SCMH1: variants seen among roughly 807,000 people sequenced by gnomAD.
SCMH1 encodes polycomb protein SCMH1.
SCMH1 carries 37 observed loss-of-function variants against 70.8 expected under a neutral mutation model. The observed-to-expected ratio is 0.52, with a 90% CI of 0.40 to 0.69. The LOEUF (loss-of-function observed/expected upper bound fraction) is 0.69. SCMH1 is among the 30% of genes least tolerant of loss of function. The pLI is 0.00. For missense variants in SCMH1, 607 were observed against 827.3 expected, an observed-to-expected ratio of 0.73 and a Z score of 3.27; for synonymous variants, 292 against 307.4, an observed-to-expected ratio of 0.95 and a Z score of 0.52.
At chr1:41,203,462 C>T (rs1654815940) in intron 1 of SCMH1, among the ~76,000 whole-genome samples, 1 of 152,184 alleles carries the variant, frequency 6.6e-6, no homozygotes. Flanking sequence ...CTATTAAGTA[C>T]TTATTATGTG....
chr1:41,112,432 C>T (rs576154142), intron 8 of SCMH1, among the ~76,000 whole-genome samples: 33 of 152,196 alleles, frequency 2.2e-4, no homozygotes, highest in African/African-American at 7.9e-4. Context: ...ACCTCAAAAT[C>T]TATTCTGGAC....
Position 41,121,801 on chromosome 1 carries a change from T to C in SCMH1, c.413-4791A>G, listed in dbSNP as rs1485375230. On this transcript the variant is annotated intron_variant, in intron 6 of 14. Coordinates refer to ENST00000337495, the Ensembl canonical transcript of SCMH1. ...TCTACTATTCCCTCCAAACTTGTTCTTTCCTCCAGTTATCCCATCTCAGTT... is the reference window on the plus strand; with the variant it reads ...TCTACTATTCCCTCCAAACTTGTTCCTTCCTCCAGTTATCCCATCTCAGTT... Among the ~76,000 whole-genome samples, 3 of 152,186 alleles carry C rather than the reference T, an allele frequency of 2.0e-5. No homozygotes were observed. The East Asian group carries it at 5.8e-4, about 29-fold the overall frequency.
chr1:41,218,978 T>G (rs1468310256), intron 1 of SCMH1, among the ~76,000 whole-genome samples: 1 of 152,208 alleles, frequency 6.6e-6, no homozygotes, highest in Admixed American at 6.5e-5. Context: ...TGGTTCAATA[T>G]GTGGGCTAGT....
chr1:41,186,070 C>T (rs1650124857), intron 2 of SCMH1, 51 bp downstream of exon 2: 4 of 1,542,336 alleles, frequency 2.6e-6, no homozygotes, highest in African/African-American at 2.7e-5. Context: ...CCAGTCCTTG[C>T]TAGGTCTCTT....
chr1:41,030,389 ACT>A (rs1486270057), intron 13 of SCMH1, among the ~76,000 whole-genome samples: 1 of 151,924 alleles, frequency 6.6e-6, no homozygotes, highest in Non-Finnish European at 1.5e-5. Context: ...GCCTCATTTC[ACT>A]CTGCAGCCCC....
intron 1 of SCMH1, among the ~76,000 whole-genome samples, chr1:41,212,352 C>A (rs1472109269): frequency 6.6e-6 from 1 of 152,044 alleles, no homozygotes; most frequent in Non-Finnish European, 1.5e-5. Flanking sequence ...TTTAGCTTTT[C>A]AAAGATTTTT....
chr1:41,171,382 C>T (rs887719979), intron 2 of SCMH1, among the ~76,000 whole-genome samples: 3 of 152,184 alleles, frequency 2.0e-5, no homozygotes, highest in Admixed American at 1.3e-4. Flanking sequence ...GACAGCACTG[C>T]TTCTGACCAA....
intron 8 of SCMH1, among the ~76,000 whole-genome samples, chr1:41,088,888 T>C (rs895168985): frequency 1.3e-5 from 2 of 152,180 alleles, no homozygotes; most frequent in African/African-American, 4.8e-5. Flanking sequence ...AGATGTAAAA[T>C]ATTTACCAAC....
intron 1 of SCMH1, among the ~76,000 whole-genome samples, chr1:41,204,509 C>T (rs1655060729): frequency 6.6e-6 from 1 of 152,146 alleles, no homozygotes; most frequent in African/African-American, 2.4e-5. Context: ...TCACCTTTTG[C>T]TTTGCTCCAG....
chr1:41,158,428 C>G (rs1417513322), intron 4 of SCMH1, among the ~76,000 whole-genome samples: 2 of 152,124 alleles, frequency 1.3e-5, no homozygotes, highest in African/African-American at 2.4e-5. Context: ...CCAAAGAAAG[C>G]TCTAGGCTTC....
chr1:41,230,744 G>A (rs567672385), intron 1 of SCMH1, among the ~76,000 whole-genome samples: 4 of 152,054 alleles, frequency 2.6e-5, no homozygotes, highest in African/African-American at 9.7e-5. Flanking sequence ...CACTGAAACT[G>A]GCAACAATGA....
intron 10 of SCMH1, 106 bp downstream of exon 10, chr1:41,070,489 C>A: frequency 7.3e-7 from 1 of 1,368,860 alleles, no homozygotes; most frequent in Non-Finnish European, 9.8e-7. Context: ...AAATATTTTA[C>A]CTAGGTTTAC....
chr1:41,225,193 GCT>G (rs1355199155), intron 1 of SCMH1, among the ~76,000 whole-genome samples: 1 of 152,194 alleles, frequency 6.6e-6, no homozygotes, highest in Non-Finnish European at 1.5e-5. Context: ...CACACACAGA[GCT>G]TTAATGCAAG....
rs374604743 is a variant in SCMH1, at chr1:41,137,772, G to C, written c.412+5106C>G. ...CCCTATACCTCAGCCCTCAGGATGG[G>C]GGAGGAGAGGCTCTTCCTTGGGCAC... On this transcript the variant is annotated intron_variant, in intron 6 of 14. Transcript: ENST00000337495. Among the ~76,000 whole-genome samples, 365 of 152,268 alleles carry C rather than the reference G, an allele frequency of 2.4e-3. 2 individuals are homozygous for C. Among genetic ancestry groups the C allele is most frequent in the African/African-American group, 8.1e-3 (338 of 41,556 alleles).
At chr1:41,161,489 T>C (rs1409211482) in intron 2 of SCMH1, 57 bp from the exon 3 acceptor site, 1 of 1,504,426 alleles carries the variant, frequency 6.6e-7, no homozygotes, top group African/African-American at 1.4e-5. Flanking sequence ...TAAATACTTT[T>C]CCAATTTGGC....
chr1:41,228,746 G>A (rs1351804625), intron 1 of SCMH1, among the ~76,000 whole-genome samples: 3 of 136,824 alleles, frequency 2.2e-5, no homozygotes, highest in African/African-American at 5.1e-5. Context: ...ATCCTGACTT[G>A]GGGAAAAAAA....
At chr1:41,063,246 G>A (rs1443931450) in intron 10 of SCMH1, among the ~76,000 whole-genome samples, 1 of 152,130 alleles carries the variant, frequency 6.6e-6, no homozygotes, top group African/African-American at 2.4e-5. Flanking sequence ...GGCTGAGGCG[G>A]GCGGATCATG....
intron 2 of SCMH1, among the ~76,000 whole-genome samples, chr1:41,167,711 A>G (rs1015528140): frequency 3.3e-5 from 5 of 152,238 alleles, no homozygotes; most frequent in South Asian, 2.1e-4. Flanking sequence ...GTCAGTTGTA[A>G]TATCTCCTCT....
chr1:41,149,028 C>T (rs994633652), intron 5 of SCMH1, among the ~76,000 whole-genome samples: 6 of 152,098 alleles, frequency 3.9e-5, no homozygotes, highest in East Asian at 1.9e-4. Context: ...CCTGACTTCA[C>T]GATCCGCCCA....
Sources: allele counts gnomAD v4.1 joint callset (sites outside exome capture counted in the v4.1 genomes callset), GRCh38; gene constraint gnomAD v4.1.1; transcripts MANE v1.5; gene names NCBI Gene and HGNC (gene_info 2026-07-23, HGNC 2026-07-21).